Variants in XKR6 observed in about 807,000 individuals in gnomAD.
XKR6 encodes XK related 6.
A neutral mutation model predicts 56.7 loss-of-function variants in XKR6; 22 were observed. That is an observed-to-expected ratio of 0.39 (90% CI 0.28 to 0.55). The LOEUF (loss-of-function observed/expected upper bound fraction) is 0.55. XKR6 is among the 20% of genes least tolerant of loss of function. The pLI is 0.66. For missense variants in XKR6, 852 were observed against 889.0 expected (o/e 0.96, Z 0.53); for synonymous variants, 524 against 387.8 (o/e 1.35, Z -4.13).
intron 1 of XKR6, chr8:11,124,256 C>A: frequency 2.9e-6 from 1 of 346,082 alleles, no homozygotes; most frequent in East Asian, 7.5e-5. Flanking sequence ...AAAGTGAAAC[C>A]CCTCTGTTAG....
chr8:11,135,822 A>AAAGG (rs199835126), intron 1 of XKR6, among the ~76,000 whole-genome samples: 5 of 152,064 alleles, frequency 3.3e-5, no homozygotes, highest in Non-Finnish European at 2.9e-5. Flanking sequence ...AAAAAGAATA[A>AAAGG]AAGGAAGGAA....
At chr8:11,173,059 G>C (rs1477791843) in intron 1 of XKR6, among the ~76,000 whole-genome samples, 1 of 152,110 alleles carries the variant, frequency 6.6e-6, no homozygotes, top group Non-Finnish European at 1.5e-5. Context: ...CTTCCGGCCG[G>C]GCGCGGTGGC....
At chr8:11,062,149 C>A (rs1429734687) in intron 1 of XKR6, among the ~76,000 whole-genome samples, 1 of 152,142 alleles carries the variant, frequency 6.6e-6, no homozygotes, top group Non-Finnish European at 1.5e-5. Flanking sequence ...TATGACAGGA[C>A]AAGAGGAGAA....
intron 1 of XKR6, among the ~76,000 whole-genome samples, chr8:11,040,648 C>G (rs980074464): frequency 6.6e-5 from 10 of 152,266 alleles, no homozygotes; most frequent in Admixed American, 5.9e-4. Flanking sequence ...GGTGAGGGCT[C>G]TCCTGGTTCG....
At chr8:11,061,758 C>A (rs1488828893) in intron 1 of XKR6, among the ~76,000 whole-genome samples, 2 of 152,180 alleles carry the variant, frequency 1.3e-5, no homozygotes, top group Admixed American at 1.3e-4. Context: ...GCCCATTAAA[C>A]CCACTTGGCC....
At chr8:11,174,342 G>A (rs1802545189) in intron 1 of XKR6, among the ~76,000 whole-genome samples, 1 of 152,204 alleles carries the variant, frequency 6.6e-6, no homozygotes, top group African/African-American at 2.4e-5. Flanking sequence ...AAGTGCAGAA[G>A]TGTTTATTGT....
chr8:11,094,081 G>A (rs544966189), intron 1 of XKR6, among the ~76,000 whole-genome samples: 98 of 120,380 alleles, frequency 8.1e-4, no homozygotes, highest in Non-Finnish European at 1.1e-3. Context: ...ACCGCGCCCG[G>A]CCTTTTTTTT....
chr8:10,974,104 T>A (rs1375373479), intron 1 of XKR6, among the ~76,000 whole-genome samples: 2 of 152,238 alleles, frequency 1.3e-5, no homozygotes, highest in Non-Finnish European at 2.9e-5. Context: ...TCTCTTGTCA[T>A]TCTCTCTCAG....
rs1804236170 is a variant in XKR6, at chr8:11,201,395, GAAGAAGGCAGGGAAC to G, written c.-71_-57del. The G allele has an allele frequency of 5.3e-6, 2 of 378,618 alleles. No homozygotes were observed. The highest frequency in any genetic ancestry group is 2.8e-5 in the African/African-American group (1 of 35,836). The allele number at this position is 378,618 out of a possible 1,614,324, so 23.5% of individuals were successfully genotyped here. A position where few individuals can be genotyped will look rare whatever the true frequency, so the allele number is the denominator to read the frequency against. ...GGGGGAGGGACGGCGGGGGGGGGGG[GAAGAAGGCAGGGAAC>G]GGGGAGGGGGGGAAACGAATGGAGA... On this transcript the variant is annotated 5_prime_UTR_variant, in exon 1 of 3. Transcript: ENST00000416569.
In XKR6 at chr8:11,201,245, C is replaced by A. The variant is rs1804216974; in HGVS notation, c.95G>T (p.Gly32Val). The A allele has an allele frequency of 6.4e-7, 1 of 1,563,882 alleles. No individual in the cohort carries two copies. The highest frequency in any genetic ancestry group is 8.6e-7 in the Non-Finnish European group (1 of 1,164,746). The part of the protein sequence containing the change: ...EAVGSGGEED[G>V]EPGGGGCGGG... ...GCCGCAGCCGCCTCCCCCGGGCTCC[C>A]CGTCCTCCTCGCCGCCGCTGCCCAC... The change falls in exon 1 of 3, where the codon GGG becomes GTG. Residue 32 changes from glycine to valine, a missense_variant. Physicochemically the swap from Gly to Val is moderately radical, Grantham distance 109. Transcript: ENST00000416569.
rs570602198 is a variant in XKR6 at position 10,896,357 on chromosome 8, C to T, written c.*1595G>A. 1 of 152,690 alleles carries T rather than the reference C, an allele frequency of 6.5e-6. No individual in the cohort carries two copies. The highest frequency in any genetic ancestry group is 2.4e-5 in the African/African-American group (1 of 41,566). The allele number at this position is 152,690 out of a possible 1,614,324, so 9.5% of individuals were successfully genotyped here. On this transcript the variant is annotated 3_prime_UTR_variant, in exon 3 of 3. Coordinates refer to ENST00000416569, the MANE Select transcript of XKR6 (RefSeq NM_173683.4). ...TGGCATGGCCTCTAAGGCCTGCAGT[C>T]CGCTGCTGGTGTGAGTCTTGCCACC...
chr8:11,098,143 A>T (rs1307162658), intron 1 of XKR6, among the ~76,000 whole-genome samples: 1 of 152,152 alleles, frequency 6.6e-6, no homozygotes, highest in African/African-American at 2.4e-5. Flanking sequence ...GGAAGGCAGA[A>T]TCCCACGACC....
At chr8:11,193,596 C>A (rs761778252) in intron 1 of XKR6, among the ~76,000 whole-genome samples, 1 of 152,078 alleles carries the variant, frequency 6.6e-6, no homozygotes, top group Non-Finnish European at 1.5e-5. Context: ...CAAAAAAATT[C>A]ACTTAACAGA....
intron 1 of XKR6, among the ~76,000 whole-genome samples, chr8:11,191,441 C>G (rs1197258872): frequency 1.3e-5 from 2 of 152,168 alleles, no homozygotes; most frequent in Non-Finnish European, 2.9e-5. Flanking sequence ...GCAGTCGCAA[C>G]CTTAACCAAG....
rs200698473 is a variant in XKR6 at position 10,924,710 on chromosome 8, G to C, written c.885C>G (p.Thr295=). ...ADVNMLRLLE[T]FLESAPQLVL... is the part of the protein sequence containing the mutation. The stretch of plus-strand genomic sequence containing the variant: ...CCAGTTGGGGCGCGCTCTCCAGGAA[G>C]GTCTCCAGGAGGCGCAGCATGTTGA... Residue 295 remains threonine (T), a synonymous_variant, in exon 2 of 3, where the codon ACC becomes ACG. Coordinates refer to ENST00000416569, the MANE Select transcript of XKR6 (RefSeq NM_173683.4). 4 of 1,613,682 alleles carry C rather than the reference G, an allele frequency of 2.5e-6. No individual in the cohort carries two copies. The highest frequency in any genetic ancestry group is 1.8e-4 in the Middle Eastern group (1 of 5,700).
At chr8:10,990,425 G>A (rs2129140138) in intron 1 of XKR6, among the ~76,000 whole-genome samples, 1 of 152,262 alleles carries the variant, frequency 6.6e-6, no homozygotes, top group East Asian at 1.9e-4. Context: ...GAACTGCTGG[G>A]GAGCATGTCT....
chr8:11,103,521 C>T (rs1172044926), intron 1 of XKR6, among the ~76,000 whole-genome samples: 3 of 152,258 alleles, frequency 2.0e-5, no homozygotes, highest in East Asian at 3.9e-4. Context: ...CTAGATTCCA[C>T]AAATGGGGCT....
intron 1 of XKR6, among the ~76,000 whole-genome samples, chr8:11,133,980 A>T (rs1028721107): frequency 2.0e-5 from 3 of 152,170 alleles, no homozygotes; most frequent in Non-Finnish European, 2.9e-5. Flanking sequence ...TCTTCTATCA[A>T]ATAGCCTCAT....
At chr8:10,921,335 C>T (rs112168373) in intron 2 of XKR6, among the ~76,000 whole-genome samples, 1 of 152,204 alleles carries the variant, frequency 6.6e-6, no homozygotes, top group Non-Finnish European at 1.5e-5. Flanking sequence ...CATGCCAGCC[C>T]ATAAACTCCT....
Sources: allele counts gnomAD v4.1 joint callset (sites outside exome capture counted in the v4.1 genomes callset), GRCh38; gene constraint gnomAD v4.1.1; transcripts MANE v1.5; gene names NCBI Gene and HGNC (gene_info 2026-07-23, HGNC 2026-07-21).